HDAC9: variants seen among roughly 807,000 people sequenced by gnomAD.
HDAC9 encodes the protein histone deacetylase 9.
Under a neutral mutation model 139.4 loss-of-function variants are expected in HDAC9, and 41 were observed. That is an observed-to-expected ratio of 0.29 (90% CI 0.23 to 0.38). HDAC9 has a LOEUF of 0.38. HDAC9 is among the 10% of genes least tolerant of loss of function. The pLI is 1.00. For synonymous variants in HDAC9, 517 were observed against 476.2 expected (o/e 1.09, Z -1.12); for missense variants, 1,147 against 1,297.0 (o/e 0.88, Z 1.78).
At position 18,935,962 on chromosome 7, in the gene HDAC9, A is replaced by C; in HGVS notation, c.2937+20A>C. 6.2e-7 allele frequency: 1 copy of C among 1,609,386 alleles called. No homozygotes were observed. The highest frequency in any genetic ancestry group is 1.1e-5 in the South Asian group (1 of 90,704). ...AATGAGGTAAAAAAGTAAAAGTACA[A>C]AGGGGCAGGGGTAAAGAATCAGGGA... On this transcript the variant is annotated intron_variant, in intron 23 of 25. Transcript: ENST00000686413.
intron 1 of HDAC9, among the ~76,000 whole-genome samples, chr7:18,484,145 C>T (rs1405316053): frequency 7.0e-6 from 1 of 143,206 alleles, no homozygotes; most frequent in African/African-American, 2.6e-5. Flanking sequence ...GAGTTCAAGC[C>T]TAGGCAACAA....
chr7:18,679,411 CTA>C (rs1781738145), intron 12 of HDAC9, among the ~76,000 whole-genome samples: 1 of 151,878 alleles, frequency 6.6e-6, no homozygotes, highest in African/African-American at 2.4e-5. Flanking sequence ...ATAATACAAT[CTA>C]GTTTAAATTT....
chr7:18,976,059 C>A, intron 25 of HDAC9, 106 bp downstream of exon 25: 1 of 1,160,358 alleles, frequency 8.6e-7, no homozygotes, highest in Non-Finnish European at 1.2e-6. Context: ...TCCTCCACTT[C>A]CACCACCTGT....
chr7:18,801,233 T>A (rs1793259226), intron 17 of HDAC9, among the ~76,000 whole-genome samples: 1 of 152,124 alleles, frequency 6.6e-6, no homozygotes, highest in Non-Finnish European at 1.5e-5. Context: ...TACTACAGGC[T>A]ATTGTAAATA....
intron 2 of HDAC9, among the ~76,000 whole-genome samples, chr7:18,582,442 C>T (rs930631020): frequency 1.3e-5 from 2 of 151,968 alleles, no homozygotes; most frequent in African/African-American, 4.8e-5. Flanking sequence ...AATACCAAAC[C>T]CCAACATCTA....
chr7:18,172,110 T>C (rs1178350), intron 2 of HDAC9, among the ~76,000 whole-genome samples: 65,339 of 151,984 alleles, frequency 0.43, 16,018 homozygotes, highest in African/African-American at 0.67. Context: ...TAATTATTGC[T>C]TCAATTTCAG....
At chr7:18,470,917 C>T (rs546225905) in intron 1 of HDAC9, among the ~76,000 whole-genome samples, 1 of 151,858 alleles carries the variant, frequency 6.6e-6, no homozygotes, top group African/African-American at 2.4e-5. Flanking sequence ...TGTGAACTTT[C>T]ATTTTATTTA....
At chr7:18,213,551 C>G (rs1237209491) in intron 2 of HDAC9, among the ~76,000 whole-genome samples, 1 of 152,066 alleles carries the variant, frequency 6.6e-6, no homozygotes, top group Non-Finnish European at 1.5e-5. Context: ...TCTTATGTAG[C>G]CATGACTGAT....
chr7:18,195,353 A>AC (rs1562734625), intron 2 of HDAC9, among the ~76,000 whole-genome samples: 4 of 152,184 alleles, frequency 2.6e-5, no homozygotes, highest in Admixed American at 6.5e-5. Flanking sequence ...CCCCCATATT[A>AC]CCTATCACCT....
At chr7:18,802,522 C>T (rs1328153217) in intron 17 of HDAC9, among the ~76,000 whole-genome samples, 2 of 151,830 alleles carry the variant, frequency 1.3e-5, no homozygotes, top group Non-Finnish European at 2.9e-5. Flanking sequence ...TTAGCACAAG[C>T]TTATTAATTA....
chr7:18,434,619 G>A (rs1202167019), intron 1 of HDAC9, among the ~76,000 whole-genome samples: 1 of 152,068 alleles, frequency 6.6e-6, no homozygotes. Context: ...ACAAACCCAT[G>A]ACCAACAAGC....
intron 1 of HDAC9, among the ~76,000 whole-genome samples, chr7:18,470,257 G>A (rs942888194): frequency 5.9e-5 from 9 of 151,932 alleles, no homozygotes. Flanking sequence ...AGGCTGCAGT[G>A]AGCTATGGTT....
intron 6 of HDAC9, among the ~76,000 whole-genome samples, chr7:18,617,351 C>T (rs1474927833): frequency 3.9e-5 from 6 of 152,148 alleles, no homozygotes; most frequent in Non-Finnish European, 7.3e-5. Flanking sequence ...TCTCTCAACT[C>T]TCCCCAGTCC....
At chr7:18,707,880 C>T (rs1176799312) in intron 12 of HDAC9, among the ~76,000 whole-genome samples, 2 of 107,316 alleles carry the variant, frequency 1.9e-5, no homozygotes, top group African/African-American at 8.6e-5. Flanking sequence ...TGTGTGTATG[C>T]ACGTGCATAC....
intron 1 of HDAC9, among the ~76,000 whole-genome samples, chr7:18,128,554 A>G (rs1362381904): frequency 6.6e-6 from 1 of 152,086 alleles, no homozygotes; most frequent in Admixed American, 6.6e-5. Flanking sequence ...ACCTTAGGGT[A>G]GCTGAGTGAT....
intron 12 of HDAC9, among the ~76,000 whole-genome samples, chr7:18,708,777 G>A (rs986985891): frequency 2.0e-5 from 3 of 152,048 alleles, no homozygotes; most frequent in Admixed American, 2.0e-4. Flanking sequence ...ATGTCTCTAT[G>A]GACTCTCCCA....
chr7:18,987,322 T>A (rs1186651914), intron 25 of HDAC9, among the ~76,000 whole-genome samples: 2 of 152,182 alleles, frequency 1.3e-5, no homozygotes, highest in Non-Finnish European at 2.9e-5. Context: ...CTATTGAGAT[T>A]ATCATGTGGC....
chr7:18,829,299 A>G (rs1795687325), intron 18 of HDAC9, 83 bp downstream of exon 18: 1 of 1,240,214 alleles, frequency 8.1e-7, no homozygotes, highest in African/African-American at 1.5e-5. Flanking sequence ...TGAAGCCTCT[A>G]ATTGTTAGCA....
intron 24 of HDAC9, among the ~76,000 whole-genome samples, chr7:18,973,806 A>C (rs1784392429): frequency 6.6e-6 from 1 of 152,202 alleles, no homozygotes; most frequent in African/African-American, 2.4e-5. Context: ...TGGATTAGAC[A>C]TCATGGTTTC....
Sources: gnomAD v4.1 joint callset for allele counts (sites outside exome capture counted in the v4.1 genomes callset) on GRCh38, gnomAD v4.1.1 for gene constraint, MANE v1.5 for transcripts, NCBI Gene and HGNC (gene_info 2026-07-23, HGNC 2026-07-21) for gene names.